Variants in XIRP2 observed in about 807,000 individuals in gnomAD.
XIRP2 encodes the protein xin actin-binding repeat-containing protein 2.
A neutral mutation model predicts 277.0 loss-of-function variants in XIRP2; 236 were observed. The ratio of observed to expected loss-of-function variants is 0.85; its 90% CI spans 0.77 to 0.95. The LOEUF is 0.95. XIRP2 is among the 40% of genes least tolerant of loss of function. The probability of loss-of-function intolerance (pLI) is 0.00; values close to 1 mark genes in which losing one functional copy is unlikely to be tolerated. For synonymous variants in XIRP2, 1,490 were observed against 1,416.5 expected (o/e 1.05, Z -1.17); for missense variants, 4,640 against 4,157.5 (o/e 1.12, Z -3.19).
At chr2:167,030,071 AT>A (rs1211089781) in intron 2 of XIRP2, among the ~76,000 whole-genome samples, 7 of 151,998 alleles carry the variant, frequency 4.6e-5, no homozygotes, top group African/African-American at 1.7e-4. Context: ...CCGCTTTATC[AT>A]TTTTTATTAT....
In XIRP2 at chr2:167,056,701, T is replaced by C. The variant is rs571894880; in HGVS notation, c.409-79208T>C. 1.5e-4 allele frequency among the ~76,000 whole-genome samples: 23 copies of C among 152,266 alleles called. No individual in the cohort carries two copies. In the South Asian group the frequency reaches 3.7e-3, roughly 25 times the overall value. ...AATGCTAACAATATAATCATACATA[T>C]TTTTATTTGTTTAGAATAGGAAGAT... On this transcript the variant is annotated intron_variant, in intron 2 of 10. Transcript: ENST00000409195.
intron 5 of XIRP2, among the ~76,000 whole-genome samples, chr2:167,232,736 G>C (rs1364833420): frequency 2.0e-5 from 3 of 151,840 alleles, no homozygotes; most frequent in Non-Finnish European, 4.4e-5. Flanking sequence ...TTCTGAGATA[G>C]GCAGTATTAT....
In XIRP2 at chr2:166,903,502, G is replaced by C; in HGVS notation, c.20G>C (p.Gly7Ala). Residue 7 changes from glycine (G) to alanine (A), a missense_variant, in exon 2 of 11, where the codon GGC becomes GCC. Physicochemically the swap from Gly to Ala is moderately conservative, Grantham distance 60. Transcript: ENST00000409195. MFPMQK[G>A]SLNLLRQKWE... is the part of the protein sequence containing the mutation. The stretch of plus-strand genomic sequence containing the variant: ...CCATCCATGTTCCCAATGCAGAAGG[G>C]CTCCCTCAACCTCCTGAGGCAGAAA... The C allele has an allele frequency of 6.2e-7, 1 of 1,612,982 alleles. No individual in the cohort carries two copies. The highest frequency in any genetic ancestry group is 1.1e-5 in the South Asian group (1 of 91,000).
chr2:167,041,520 A>G (rs1282023629), intron 2 of XIRP2, among the ~76,000 whole-genome samples: 1 of 152,240 alleles, frequency 6.6e-6, no homozygotes, highest in East Asian at 1.9e-4. Context: ...CAAGAATTTC[A>G]TAATACAATC....
chr2:167,148,427 GAA>G (rs1691922612), intron 3 of XIRP2, among the ~76,000 whole-genome samples: 1 of 126,334 alleles, frequency 7.9e-6, no homozygotes, highest in Admixed American at 9.1e-5. Flanking sequence ...GAGAAAGAAA[GAA>G]AGAAAAAGAA....
rs573590992 is a variant in XIRP2, at chr2:167,036,073, TG to T, written c.409-99835del. ...CAGAAGATGTATGGAAGCACCTGGA[TG>T]CTCAGGCAAAAGTTTGCTGCAGAGG... On this transcript the variant is annotated intron_variant, in intron 2 of 10. Coordinates refer to ENST00000409195, the MANE Select transcript of XIRP2 (RefSeq NM_152381.6). Among the ~76,000 whole-genome samples the T allele has an allele frequency of 2.6e-5, 4 of 152,314 alleles. No homozygotes were observed. The South Asian group carries it at 8.3e-4, about 32-fold the overall frequency.
intron 2 of XIRP2, among the ~76,000 whole-genome samples, chr2:167,041,686 A>T (rs922414483): frequency 6.6e-6 from 1 of 152,186 alleles, no homozygotes; most frequent in Non-Finnish European, 1.5e-5. Context: ...ATGTAAAGAG[A>T]CCAAACCTAT....
At chr2:166,970,128 G>T (rs900957735) in intron 2 of XIRP2, among the ~76,000 whole-genome samples, 1 of 151,982 alleles carries the variant, frequency 6.6e-6, no homozygotes, top group African/African-American at 2.4e-5. Context: ...TTATTTTGAA[G>T]AGCATCTACA....
intron 3 of XIRP2, among the ~76,000 whole-genome samples, chr2:167,164,485 G>A (rs11893404): frequency 0.27 from 39,221 of 146,222 alleles, 6,684 homozygotes; most frequent in African/African-American, 0.49. Flanking sequence ...TAACTTGTGA[G>A]TTTTTTAGGA....
At chr2:166,959,933 A>G (rs2105406101) in intron 2 of XIRP2, among the ~76,000 whole-genome samples, 1 of 151,876 alleles carries the variant, frequency 6.6e-6, no homozygotes, top group Middle Eastern at 3.4e-3. Flanking sequence ...GAGGTTTTGG[A>G]AAATAGGAAA....
intron 3 of XIRP2, among the ~76,000 whole-genome samples, chr2:167,160,489 G>A (rs2105339920): frequency 6.6e-6 from 1 of 152,236 alleles, no homozygotes; most frequent in Non-Finnish European, 1.5e-5. Flanking sequence ...CATGTGGTGG[G>A]GGAAGCCTCA....
In XIRP2 at chr2:167,250,435, A is replaced by G; in HGVS notation, c.9043A>G (p.Ile3015Val). The G allele has an allele frequency of 6.2e-7, 1 of 1,613,484 alleles. No homozygotes were observed. Among genetic ancestry groups the G allele is most frequent in the Middle Eastern group, 1.7e-4 (1 of 6,054 alleles). ...LEKVKEEITH[I>V]KTQAEDMLVS... ...AAAAGTAAAAGAAGAAATAACACAT[A>G]TTAAAACTCAAGCGGAAGATATGCT... The change falls in exon 9 of 11, where the codon ATT becomes GTT. Residue 3015 changes from isoleucine (I) to valine (V), a missense_variant. Ile to Val is a conservative substitution (Grantham distance 29). Transcript: ENST00000409195.
chr2:167,231,155 A>G (rs1012861954), intron 5 of XIRP2, among the ~76,000 whole-genome samples: 1 of 152,048 alleles, frequency 6.6e-6, no homozygotes, highest in Non-Finnish European at 1.5e-5. Context: ...TCCAAGCCAG[A>G]TCTGTTTTAT....
At chr2:166,984,040 C>T (rs1012889325) in intron 2 of XIRP2, among the ~76,000 whole-genome samples, 6 of 152,116 alleles carry the variant, frequency 3.9e-5, no homozygotes, top group Non-Finnish European at 7.3e-5. Context: ...CATCTCCCAC[C>T]CAATTTCTCC....
chr2:167,243,045 C>A lies in XIRP2; in HGVS notation c.1653C>A (p.Asp551Glu). Residue 551 changes from aspartate to glutamate, a missense_variant, in exon 9 of 11, where the codon GAC becomes GAA. By Grantham distance (45) the Asp-to-Glu change is conservative. Transcript: ENST00000409195. ...QARYVFENTN[D>E]SSQKDLNSER... ...GGTATGTTTTTGAAAACACAAATGA[C>A]AGTTCTCAAAAAGATCTGAACTCAG... The A allele has an allele frequency of 6.2e-7, 1 of 1,614,016 alleles. No individual in the cohort carries two copies.
At position 166,954,019 on chromosome 2, in the gene XIRP2, A is replaced by T. The variant is rs541769588; in HGVS notation, c.408+50129A>T. Among the ~76,000 whole-genome samples the T allele has an allele frequency of 2.0e-5, 3 of 152,000 alleles. No individual in the cohort carries two copies. The East Asian group carries it at 5.8e-4, about 30-fold the overall frequency. On this transcript the variant is annotated intron_variant, in intron 2 of 10. Transcript: ENST00000409195. ...TTTTATTGTTACATTTTATTTTTTG[A>T]TTATAAAAGTAATAAAGTATTAAAC...
chr2:167,173,294 G>C (rs200440618), intron 3 of XIRP2, among the ~76,000 whole-genome samples: 1 of 151,996 alleles, frequency 6.6e-6, no homozygotes, highest in Non-Finnish European at 1.5e-5. Flanking sequence ...ATGCTTCTCA[G>C]CCTCTGATAA....
intron 2 of XIRP2, among the ~76,000 whole-genome samples, chr2:167,088,230 C>A (rs1224485628): frequency 6.6e-6 from 1 of 152,112 alleles, no homozygotes; most frequent in Non-Finnish European, 1.5e-5. Flanking sequence ...CCTTTCCCTG[C>A]ACCATCCCCT....
intron 2 of XIRP2, among the ~76,000 whole-genome samples, chr2:166,969,423 T>C (rs1686515170): frequency 6.6e-6 from 1 of 152,118 alleles, no homozygotes; most frequent in Non-Finnish European, 1.5e-5. Context: ...GCTGCAGCCT[T>C]TAAATTTGAT....
Sources: gnomAD v4.1 joint callset for allele counts (sites outside exome capture counted in the v4.1 genomes callset) on GRCh38, gnomAD v4.1.1 for gene constraint, MANE v1.5 for transcripts, NCBI Gene and HGNC (gene_info 2026-07-23, HGNC 2026-07-21) for gene names.